Variants in NRXN1 observed in about 807,000 individuals in gnomAD.
The protein encoded by NRXN1 is neurexin 1.
Under a neutral mutation model 150.9 loss-of-function variants are expected in NRXN1, and 39 were observed. The observed-to-expected ratio is 0.26, with a 90% CI of 0.20 to 0.34. NRXN1 has a LOEUF of 0.34. Ranked by LOEUF, NRXN1 falls within the 10% of genes least tolerant of loss-of-function variation. NRXN1 has a pLI of 1.00. For missense variants in NRXN1, 1,815 were observed against 1,949.9 expected (o/e 0.93, Z 1.30); for synonymous variants, 924 against 757.0 (o/e 1.22, Z -3.62).
chr2:50,736,792 C>T (rs1446549204), intron 5 of NRXN1, among the ~76,000 whole-genome samples: 3 of 152,058 alleles, frequency 2.0e-5, no homozygotes, highest in African/African-American at 4.8e-5. Flanking sequence ...ATGCCTTTAT[C>T]AGGAGCGTGA....
At chr2:50,159,698 C>T (rs2059244138) in intron 18 of NRXN1, among the ~76,000 whole-genome samples, 1 of 152,014 alleles carries the variant, frequency 6.6e-6, no homozygotes, top group African/African-American at 2.4e-5. Context: ...TGTTCTCTGT[C>T]TGCATAGAAA....
chr2:50,670,536 A>C (rs1574044014), intron 5 of NRXN1, among the ~76,000 whole-genome samples: 1 of 151,952 alleles, frequency 6.6e-6, no homozygotes, highest in African/African-American at 2.4e-5. Flanking sequence ...TTACATTACC[A>C]TAGGATAGTT....
At chr2:51,026,792 A>G (rs1029283909) in intron 2 of NRXN1, among the ~76,000 whole-genome samples, 4 of 152,242 alleles carry the variant, frequency 2.6e-5, no homozygotes, top group African/African-American at 4.8e-5. Flanking sequence ...CGCATAAATG[A>G]CAAAATTTTA....
chr2:50,334,710 C>T (rs1319621685), intron 17 of NRXN1, among the ~76,000 whole-genome samples: 5 of 152,106 alleles, frequency 3.3e-5, no homozygotes, highest in East Asian at 3.9e-4. Flanking sequence ...AATGCTTTCT[C>T]CAGGGATACT....
chr2:50,538,669 T>TA, intron 9 of NRXN1, 33 bp from the exon 10 acceptor site: 1 of 1,424,494 alleles, frequency 7.0e-7, no homozygotes, highest in Non-Finnish European at 9.2e-7. Flanking sequence ...CACAGGTCTT[T>TA]AAAAAGCACC....
Position 50,538,257 on chromosome 2 carries a change from C to T in NRXN1, c.2139G>A (p.Glu713=). ...SGTGYLGRSC[E]REATVLSYDG... ...GCTGGGGTTTTAGAATCCTACCTCT[C>T]TCACAGGACCTGCCAAGATAGCCTG... The change falls in exon 10 of 23, where the codon GAG becomes GAA. Residue 713 remains glutamate, a synonymous_variant. Transcript: ENST00000401669. 6.2e-7 allele frequency: 1 copy of T among 1,608,144 alleles called. No individual in the cohort carries two copies. The highest frequency in any genetic ancestry group is 1.1e-5 in the South Asian group (1 of 90,706).
intron 5 of NRXN1, among the ~76,000 whole-genome samples, chr2:50,693,498 C>T (rs1048293326): frequency 3.9e-5 from 6 of 152,030 alleles, no homozygotes; most frequent in East Asian, 1.9e-4. Flanking sequence ...CCTACAATTG[C>T]GTGCAAAGGT....
intron 5 of NRXN1, among the ~76,000 whole-genome samples, chr2:50,654,927 C>T (rs964522140): frequency 6.6e-6 from 1 of 151,926 alleles, no homozygotes; most frequent in African/African-American, 2.4e-5. Context: ...AATTATTATC[C>T]ATTTCACACT....
At chr2:50,548,884 C>T (rs573868227) in intron 9 of NRXN1, among the ~76,000 whole-genome samples, 9 of 152,130 alleles carry the variant, frequency 5.9e-5, no homozygotes, top group African/African-American at 2.2e-4. Context: ...GAAAGAATTG[C>T]TCTTAGGCGT....
chr2:50,157,654 G>A (rs1286919111), intron 18 of NRXN1, among the ~76,000 whole-genome samples: 1 of 152,024 alleles, frequency 6.6e-6, no homozygotes, highest in African/African-American at 2.4e-5. Context: ...GGAAAGGCTA[G>A]TAAGATAGAC....
At chr2:49,931,757 G>A (rs1408244966) in intron 22 of NRXN1, among the ~76,000 whole-genome samples, 2 of 152,048 alleles carry the variant, frequency 1.3e-5, no homozygotes, top group Non-Finnish European at 2.9e-5. Context: ...GTTATATTTT[G>A]AAATGTGGAT....
chr2:50,651,139 G>T (rs1019194166), intron 5 of NRXN1, among the ~76,000 whole-genome samples: 1 of 151,876 alleles, frequency 6.6e-6, no homozygotes, highest in Admixed American at 6.6e-5. Context: ...TTAAGTTCTG[G>T]AAAAAATAAG....
At chr2:50,760,844 T>C (rs1701723190) in intron 5 of NRXN1, among the ~76,000 whole-genome samples, 1 of 151,762 alleles carries the variant, frequency 6.6e-6, no homozygotes, top group African/African-American at 2.4e-5. Flanking sequence ...CCTTCCAGGG[T>C]GGCCTTATCT....
chr2:50,686,929 T>C (rs183698338), intron 5 of NRXN1, among the ~76,000 whole-genome samples: 1 of 152,328 alleles, frequency 6.6e-6, no homozygotes, highest in Non-Finnish European at 1.5e-5. Flanking sequence ...TAAGCTTCAA[T>C]TCTCTAAAGT....
chr2:50,394,617 C>T (rs574656547), intron 17 of NRXN1, among the ~76,000 whole-genome samples: 1 of 152,130 alleles, frequency 6.6e-6, no homozygotes, highest in African/African-American at 2.4e-5. Flanking sequence ...TGGACGCCTG[C>T]TACAGCATCC....
At chr2:50,459,227 T>C (rs2087907039) in intron 17 of NRXN1, among the ~76,000 whole-genome samples, 1 of 152,134 alleles carries the variant, frequency 6.6e-6, no homozygotes, top group Non-Finnish European at 1.5e-5. Context: ...ACACTCCTGA[T>C]AATTTGATTT....
chr2:50,116,022 T>A (rs762320769), intron 18 of NRXN1, among the ~76,000 whole-genome samples: 39 of 152,258 alleles, frequency 2.6e-4, no homozygotes, highest in Non-Finnish European at 5.3e-4. Context: ...TCTAAATATG[T>A]CTGAAGACAT....
chr2:50,333,822 G>T (rs999749249), intron 17 of NRXN1, among the ~76,000 whole-genome samples: 3 of 152,012 alleles, frequency 2.0e-5, no homozygotes, highest in African/African-American at 7.2e-5. Context: ...ACACTGATTT[G>T]CCAGCAGAGT....
chr2:50,766,046 AC>A (rs1448675509), intron 5 of NRXN1, among the ~76,000 whole-genome samples: 1 of 152,052 alleles, frequency 6.6e-6, no homozygotes, highest in Non-Finnish European at 1.5e-5. Flanking sequence ...ATGTACTACA[AC>A]AAAGCTCTCA....
Sources: allele counts gnomAD v4.1 joint callset (sites outside exome capture counted in the v4.1 genomes callset), GRCh38; gene constraint gnomAD v4.1.1; transcripts MANE v1.5; gene names NCBI Gene and HGNC (gene_info 2026-07-23, HGNC 2026-07-21).